The following RBFOX1 variants were observed in gnomAD, a reference collection of about 807,000 sequenced individuals.
RBFOX1 encodes the protein RNA binding protein fox-1 homolog 1.
RBFOX1 carries 8 observed loss-of-function variants against 57.7 expected under a neutral mutation model. That is an observed-to-expected ratio of 0.14 (90% CI 0.08 to 0.25). The LOEUF is 0.25. Ranked by LOEUF, RBFOX1 falls within the 10% of genes least tolerant of loss-of-function variation. The pLI, the probability that RBFOX1 is intolerant of heterozygous loss-of-function variation, is 1.00. For synonymous variants in RBFOX1, 326 were observed against 222.4 expected, an observed-to-expected ratio of 1.47 and a Z score of -4.15; for missense variants, 611 against 548.5, an observed-to-expected ratio of 1.11 and a Z score of -1.14.
At chr16:7,224,127 T>TTAA (rs1491185690) in intron 4 of RBFOX1, among the ~76,000 whole-genome samples, 2 of 52,256 alleles carry the variant, frequency 3.8e-5, no homozygotes, top group East Asian at 7.3e-4. Context: ...TTCCTTTTTC[T>TTAA]AAAAAAAAAA....
intron 5 of RBFOX1, among the ~76,000 whole-genome samples, chr16:7,526,132 T>A (rs997552392): frequency 2.6e-5 from 4 of 152,176 alleles, no homozygotes; most frequent in African/African-American, 9.7e-5. Flanking sequence ...ATGCGAGGGA[T>A]CTAGATTGTG....
chr16:7,415,483 CAG>C (rs2098469560), intron 4 of RBFOX1, among the ~76,000 whole-genome samples: 1 of 152,174 alleles, frequency 6.6e-6, no homozygotes, highest in Non-Finnish European at 1.5e-5. Flanking sequence ...ATGGAGAAGG[CAG>C]ACAGAATGGC....
chr16:6,263,564 A>G (rs933561103), intron 1 of RBFOX1, among the ~76,000 whole-genome samples: 10 of 152,272 alleles, frequency 6.6e-5, no homozygotes, highest in African/African-American at 2.2e-4. Flanking sequence ...CAGATGTGGC[A>G]TATCTTGTGC....
intron 4 of RBFOX1, among the ~76,000 whole-genome samples, chr16:6,006,647 T>C (rs2152334010): frequency 6.6e-6 from 1 of 152,350 alleles, no homozygotes; most frequent in South Asian, 2.1e-4. Context: ...TCAACTAGTT[T>C]GAGTTGAGTT....
At chr16:5,292,360 C>G (rs1372136332) in intron 1 of RBFOX1, among the ~76,000 whole-genome samples, 4 of 152,166 alleles carry the variant, frequency 2.6e-5, no homozygotes, top group South Asian at 4.1e-4. Flanking sequence ...TGTTTTCCCC[C>G]AAATCAATTG....
chr16:5,251,429 T>A (rs2062449814), intron 1 of RBFOX1, among the ~76,000 whole-genome samples: 1 of 152,222 alleles, frequency 6.6e-6, no homozygotes, highest in Non-Finnish European at 1.5e-5. Flanking sequence ...CTGTCATTGC[T>A]AGACTGTGGC....
chr16:6,548,529 T>A (rs577115049), intron 2 of RBFOX1, among the ~76,000 whole-genome samples: 17 of 152,316 alleles, frequency 1.1e-4, no homozygotes, highest in Non-Finnish European at 2.4e-4. Context: ...AAAAAGAAAT[T>A]TTTTTAAGTT....
At chr16:6,284,262 G>A (rs978280082) in intron 1 of RBFOX1, among the ~76,000 whole-genome samples, 6 of 152,046 alleles carry the variant, frequency 3.9e-5, no homozygotes, top group East Asian at 1.9e-4. Flanking sequence ...CAGTTTGCTC[G>A]ATCTCTTTTC....
intron 3 of RBFOX1, among the ~76,000 whole-genome samples, chr16:5,818,594 A>G (rs977557118): frequency 6.6e-6 from 1 of 152,180 alleles, no homozygotes; most frequent in African/African-American, 2.4e-5. Context: ...TTTTTGAACA[A>G]TATTTACTTT....
chr16:5,499,099 T>C (rs1344903925), intron 2 of RBFOX1, among the ~76,000 whole-genome samples: 2 of 152,186 alleles, frequency 1.3e-5, no homozygotes, highest in Non-Finnish European at 2.9e-5. Context: ...CCGGCTCTGG[T>C]TTTCCATTTC....
intron 3 of RBFOX1, among the ~76,000 whole-genome samples, chr16:6,973,767 G>A (rs781009672): frequency 6.6e-6 from 1 of 151,990 alleles, no homozygotes; most frequent in Non-Finnish European, 1.5e-5. Flanking sequence ...CCCATTAACC[G>A]GTAGTTTTTA....
intron 2 of RBFOX1, among the ~76,000 whole-genome samples, chr16:5,482,344 G>A (rs1311185723): frequency 2.0e-5 from 3 of 152,094 alleles, no homozygotes; most frequent in Admixed American, 6.5e-5. Flanking sequence ...TAGAGACTTT[G>A]CCTTCCAGCC....
At chr16:7,229,133 C>T (rs116572699) in intron 4 of RBFOX1, among the ~76,000 whole-genome samples, 1,675 of 152,222 alleles carry the variant, frequency 0.011, 22 homozygotes, top group African/African-American at 0.038. Context: ...AAGTAAGAAG[C>T]AAAGTAATTT....
intron 3 of RBFOX1, among the ~76,000 whole-genome samples, chr16:6,937,804 T>A (rs1157008046): frequency 6.6e-6 from 1 of 152,010 alleles, no homozygotes; most frequent in Non-Finnish European, 1.5e-5. Context: ...GTGGAGAGAT[T>A]AGATTGCAAA....
intron 1 of RBFOX1, among the ~76,000 whole-genome samples, chr16:6,157,844 C>G (rs1209934663): frequency 6.6e-6 from 1 of 152,134 alleles, no homozygotes; most frequent in Non-Finnish European, 1.5e-5. Context: ...GACTTATGTC[C>G]TATCATCTTT....
chr16:7,122,087 G>A (rs1238372269), intron 4 of RBFOX1, among the ~76,000 whole-genome samples: 1 of 151,946 alleles, frequency 6.6e-6, no homozygotes, highest in Admixed American at 6.6e-5. Context: ...CACGTCCAAA[G>A]GAGTTAAAAT....
chr16:5,271,151 C>G (rs557430147), intron 1 of RBFOX1, among the ~76,000 whole-genome samples: 2 of 152,104 alleles, frequency 1.3e-5, no homozygotes, highest in South Asian at 4.2e-4. Flanking sequence ...TCATTGCACT[C>G]CAGCCTGGGC....
At chr16:5,790,680 A>G (rs1409965025) in intron 3 of RBFOX1, among the ~76,000 whole-genome samples, 1 of 151,532 alleles carries the variant, frequency 6.6e-6, no homozygotes, top group Non-Finnish European at 1.5e-5. Context: ...AACAATACCT[A>G]CTCCACAGGG....
At chr16:7,099,969 C>T (rs1180509291) in intron 4 of RBFOX1, among the ~76,000 whole-genome samples, 1 of 151,954 alleles carries the variant, frequency 6.6e-6, no homozygotes, top group Non-Finnish European at 1.5e-5. Flanking sequence ...GAGGCATGTT[C>T]ACCCCTCAGT....
Sources: allele counts gnomAD v4.1 joint callset (sites outside exome capture counted in the v4.1 genomes callset), GRCh38; gene constraint gnomAD v4.1.1; transcripts MANE v1.5; gene names NCBI Gene and HGNC (gene_info 2026-07-23, HGNC 2026-07-21).